The following RIMS2 variants were observed in gnomAD, a reference collection of about 807,000 sequenced individuals.
The protein encoded by RIMS2 is regulating synaptic membrane exocytosis 2, also known as regulating synaptic membrane exocytosis protein 2.
A neutral mutation model predicts 174.4 loss-of-function variants in RIMS2; 59 were observed. The ratio of observed to expected loss-of-function variants is 0.34; its 90% CI spans 0.27 to 0.42. The LOEUF is 0.42. Among genes scored for constraint, RIMS2 ranks in the 10% least tolerant of loss-of-function variants. RIMS2 has a pLI of 1.00. For missense variants in RIMS2, 1,620 were observed against 1,666.3 expected, an observed-to-expected ratio of 0.97 and a Z score of 0.48; for synonymous variants, 606 against 572.5, an observed-to-expected ratio of 1.06 and a Z score of -0.84.
intron 3 of RIMS2, among the ~76,000 whole-genome samples, chr8:103,774,604 T>G (rs2098292341): frequency 6.6e-6 from 1 of 152,124 alleles, no homozygotes; most frequent in Admixed American, 6.6e-5. Context: ...TAAGATATAA[T>G]TCAATTTTTA....
chr8:103,682,898 TG>T (rs977342736), intron 1 of RIMS2, among the ~76,000 whole-genome samples: 2 of 152,170 alleles, frequency 1.3e-5, no homozygotes, highest in African/African-American at 4.8e-5. Flanking sequence ...CTGCAGTATC[TG>T]GGATCATTAC....
intron 1 of RIMS2, among the ~76,000 whole-genome samples, chr8:103,665,624 T>C (rs543336244): frequency 1.3e-5 from 2 of 152,366 alleles, no homozygotes; most frequent in African/African-American, 4.8e-5. Flanking sequence ...TAATTGGATA[T>C]TAGATAATAT....
intron 3 of RIMS2, among the ~76,000 whole-genome samples, chr8:103,839,687 G>C (rs941432611): frequency 3.9e-5 from 6 of 152,184 alleles, no homozygotes; most frequent in Admixed American, 3.9e-4. Flanking sequence ...GTACTGCTTA[G>C]AGTTTGGGCA....
At position 104,183,813 on chromosome 8, in the gene RIMS2, C is replaced by G. The variant is rs80311361; in HGVS notation, c.3335-61103C>G. ...AACTTTAGAGTTTATTTTTAAAAGTCTCGTTAATTTATGTATCATCACCAT... is the reference window on the plus strand; with the variant it reads ...AACTTTAGAGTTTATTTTTAAAAGTGTCGTTAATTTATGTATCATCACCAT... On this transcript the variant is annotated intron_variant, in intron 19 of 23. Coordinates refer to ENST00000504942, the Ensembl canonical transcript of RIMS2. 8.2e-3 allele frequency among the ~76,000 whole-genome samples: 1,244 copies of G among 151,464 alleles called. 16 individuals are homozygous for G. The highest frequency in any genetic ancestry group is 0.029 in the African/African-American group (1,202 of 41,390).
In RIMS2 at chr8:104,026,641, G is replaced by A. The variant is rs545979756; in HGVS notation, c.3334+12026G>A. Among the ~76,000 whole-genome samples the A allele has an allele frequency of 4.6e-5, 7 of 152,004 alleles. No individual in the cohort carries two copies. In the South Asian group the frequency reaches 1.5e-3, roughly 32 times the overall value. ...AATAAGAAAGAAAGAAATGGAAAGAGGAGAGGGGGAAAAATAAAAACAAAC... is the reference window on the plus strand; with the variant it reads ...AATAAGAAAGAAAGAAATGGAAAGAAGAGAGGGGGAAAAATAAAAACAAAC... On this transcript the variant is annotated intron_variant, in intron 19 of 23. Transcript: ENST00000504942.
At chr8:104,193,391 C>T (rs1448958845) in intron 19 of RIMS2, among the ~76,000 whole-genome samples, 2 of 152,266 alleles carry the variant, frequency 1.3e-5, no homozygotes, top group East Asian at 3.9e-4. Context: ...TATGCTCCAG[C>T]TCCTGCCATC....
chr8:103,501,141 C>T (rs911473292), intron 1 of RIMS2, 79 bp downstream of exon 1: 3 of 1,129,284 alleles, frequency 2.7e-6, no homozygotes, highest in East Asian at 6.0e-5. Context: ...CGCCTGCGCG[C>T]CCCAGTTCGC....
intron 19 of RIMS2, among the ~76,000 whole-genome samples, chr8:104,144,835 T>A (rs2098618889): frequency 6.6e-6 from 1 of 152,144 alleles, no homozygotes; most frequent in Non-Finnish European, 1.5e-5. Flanking sequence ...CTTCTTTTTT[T>A]TATAAAACTA....
At chr8:103,842,364 G>T (rs1438522646) in intron 3 of RIMS2, among the ~76,000 whole-genome samples, 2 of 152,068 alleles carry the variant, frequency 1.3e-5, no homozygotes, top group African/African-American at 4.8e-5. Flanking sequence ...AACAGCAATT[G>T]CTTTGGGCGT....
chr8:103,780,769 A>G (rs929374553), intron 3 of RIMS2, among the ~76,000 whole-genome samples: 8 of 151,864 alleles, frequency 5.3e-5, no homozygotes, highest in Non-Finnish European at 8.8e-5. Context: ...TGGAGAGATA[A>G]TGGTTTCCTG....
chr8:103,977,868 G>C lies in RIMS2; in HGVS notation c.2927+2362G>C, dbSNP rs75269795. Among the ~76,000 whole-genome samples, 26 of 152,326 alleles carry C rather than the reference G, an allele frequency of 1.7e-4. 1 individual carries two copies. In the East Asian group the frequency reaches 4.4e-3, roughly 26 times the overall value. On this transcript the variant is annotated intron_variant, in intron 16 of 23. Transcript: ENST00000504942. Reference sequence around the variant, plus strand: ...AAAAATGCAGATGAAGAAATGCATAGGATGAGATTTGGGCAACCTGGAAAC... The same window carrying C: ...AAAAATGCAGATGAAGAAATGCATACGATGAGATTTGGGCAACCTGGAAAC...
intron 1 of RIMS2, among the ~76,000 whole-genome samples, chr8:103,510,392 A>G (rs1363516629): frequency 6.6e-6 from 1 of 152,208 alleles, no homozygotes; most frequent in Non-Finnish European, 1.5e-5. Flanking sequence ...ATCTGAAAGA[A>G]TTAATTAATA....
intron 1 of RIMS2, chr8:103,559,415 T>G (rs2091215025): frequency 5.6e-6 from 2 of 356,264 alleles, no homozygotes; most frequent in Admixed American, 4.1e-5. Context: ...AGTGATCCGA[T>G]GCAGGGGATT....
chr8:104,004,776 C>A (rs2095514488), intron 17 of RIMS2, among the ~76,000 whole-genome samples: 1 of 151,998 alleles, frequency 6.6e-6, no homozygotes, highest in South Asian at 2.1e-4. Context: ...ACTAAACACA[C>A]AGATGGATTT....
intron 3 of RIMS2, among the ~76,000 whole-genome samples, chr8:103,771,281 A>C (rs2098250525): frequency 6.6e-6 from 1 of 152,198 alleles, no homozygotes; most frequent in Non-Finnish European, 1.5e-5. Flanking sequence ...TGTGAAATAC[A>C]TTGTAAAACT....
At chr8:103,612,668 T>G (rs1211102862) in intron 1 of RIMS2, among the ~76,000 whole-genome samples, 24 of 152,164 alleles carry the variant, frequency 1.6e-4, no homozygotes, top group Admixed American at 1.6e-3. Context: ...AACCTCCGCC[T>G]ACTGGGTTCA....
chr8:103,872,540 C>T (rs569768435), intron 3 of RIMS2, among the ~76,000 whole-genome samples: 11 of 152,254 alleles, frequency 7.2e-5, no homozygotes, highest in Admixed American at 2.0e-4. Context: ...AGGTAGACAG[C>T]TCAAGGATGA....
At chr8:103,992,274 A>ATTTTTTTTTTTTTTTTTT (rs1186537194) in intron 17 of RIMS2, among the ~76,000 whole-genome samples, 6 of 107,106 alleles carry the variant, frequency 5.6e-5, no homozygotes, top group African/African-American at 7.6e-5. Context: ...ATGTCCAGCT[A>ATTTTTTTTTTTTTTTTTT]TTTTTTTTTT....
intron 19 of RIMS2, among the ~76,000 whole-genome samples, chr8:104,243,509 A>T (rs1286078630): frequency 6.6e-6 from 1 of 152,048 alleles, no homozygotes; most frequent in East Asian, 1.9e-4. Flanking sequence ...ACATAGCGAA[A>T]CCCCATCTCT....
Sources: allele counts gnomAD v4.1 joint callset (sites outside exome capture counted in the v4.1 genomes callset), GRCh38; gene constraint gnomAD v4.1.1; transcripts MANE v1.5; gene names NCBI Gene and HGNC (gene_info 2026-07-23, HGNC 2026-07-21).